PDZD2: variants seen among roughly 807,000 people sequenced by gnomAD.
PDZD2 encodes PDZ domain containing 2.
A neutral mutation model predicts 220.7 loss-of-function variants in PDZD2; 90 were observed. The observed-to-expected ratio is 0.41, with a 90% CI of 0.34 to 0.49. PDZD2 has a LOEUF of 0.49. PDZD2 is among the 20% of genes least tolerant of loss of function. The probability of loss-of-function intolerance (pLI) is 0.28; values close to 1 mark genes in which losing one functional copy is unlikely to be tolerated. For missense variants in PDZD2, 3,174 were observed against 3,608.5 expected (o/e 0.88, Z 3.08); for synonymous variants, 1,375 against 1,450.5 (o/e 0.95, Z 1.18).
At chr5:31,889,734 G>A (rs1740834033) in intron 2 of PDZD2, among the ~76,000 whole-genome samples, 1 of 151,962 alleles carries the variant, frequency 6.6e-6, no homozygotes, top group South Asian at 2.1e-4. Flanking sequence ...TAAGACACAC[G>A]GGGGCCGGGT....
Position 32,098,409 on chromosome 5 carries a change from A to G in PDZD2, c.7993A>G (p.Met2665Val), listed in dbSNP as rs1230251376. 19 of 1,614,162 alleles carry G rather than the reference A, an allele frequency of 1.2e-5. No homozygotes were observed. Among genetic ancestry groups the G allele is most frequent in the Non-Finnish European group, 1.6e-5 (19 of 1,180,032 alleles). ...GGGGGCGGCTTCTCAGGAAGGGACT[A>G]TGAACCGAGGGGATTTCCTTCTGTC... is the stretch of plus-strand genomic sequence containing the variant. ...SQGAASQEGT[M>V]NRGDFLLSVN... Residue 2665 changes from methionine (M) to valine (V), a missense_variant, in exon 23 of 25, where the codon ATG becomes GTG. Met to Val is a conservative substitution (Grantham distance 21). This residue lies in a region of PDZD2 where 631 missense variants were observed against 789.9 expected (regional missense o/e 0.80). Coordinates refer to ENST00000438447, the MANE Select transcript of PDZD2 (RefSeq NM_178140.4). The surrounding 1 kb of genome is among the most constrained non-coding windows in gnomAD (Gnocchi z 4.1).
At chr5:31,802,945 G>A (rs999994597) in intron 2 of PDZD2, among the ~76,000 whole-genome samples, 49 of 139,116 alleles carry the variant, frequency 3.5e-4, no homozygotes, top group African/African-American at 1.2e-3. Flanking sequence ...AAAAAAAGAC[G>A]CGCACACATG....
At chr5:31,643,161 G>T (rs897482156) in intron 1 of PDZD2, among the ~76,000 whole-genome samples, 1 of 152,160 alleles carries the variant, frequency 6.6e-6, no homozygotes, top group African/African-American at 2.4e-5. Flanking sequence ...GGGTCCTTTC[G>T]AACAGTGTGT....
At chr5:32,062,913 C>T (rs561887038) in intron 14 of PDZD2, among the ~76,000 whole-genome samples, 4 of 152,164 alleles carry the variant, frequency 2.6e-5, no homozygotes, top group South Asian at 2.1e-4. Flanking sequence ...GATGGCTCCA[C>T]GGGAGACCAG....
intron 1 of PDZD2, chr5:31,744,521 G>C (rs1285840911): frequency 6.6e-6 from 1 of 151,670 alleles, no homozygotes; most frequent in South Asian, 2.1e-4. Context: ...TCATTTGAAA[G>C]AATTATATAA....
chr5:31,656,935 C>T (rs1327817239), intron 1 of PDZD2, among the ~76,000 whole-genome samples: 1 of 152,152 alleles, frequency 6.6e-6, no homozygotes, highest in Non-Finnish European at 1.5e-5. Flanking sequence ...CCTCAACAGC[C>T]TGGGAGATCA....
chr5:31,951,079 T>C (rs1431292587), intron 2 of PDZD2, among the ~76,000 whole-genome samples: 1 of 152,088 alleles, frequency 6.6e-6, no homozygotes, highest in Non-Finnish European at 1.5e-5. Context: ...TTTTCTTTTC[T>C]TTTTTGAGAT....
chr5:32,028,750 T>C (rs1309810376), intron 6 of PDZD2, among the ~76,000 whole-genome samples: 1 of 148,798 alleles, frequency 6.7e-6, no homozygotes, highest in Non-Finnish European at 1.5e-5. Context: ...TGGCACAACC[T>C]TGGCTCACTG....
intron 2 of PDZD2, chr5:31,923,265 A>G (rs990421755): frequency 1.9e-6 from 1 of 520,008 alleles, no homozygotes; most frequent in Non-Finnish European, 3.5e-6. Flanking sequence ...CTCCATCTCA[A>G]TAAATAAATA....
chr5:31,662,296 G>C (rs532455702), intron 1 of PDZD2, among the ~76,000 whole-genome samples: 1 of 152,172 alleles, frequency 6.6e-6, no homozygotes, highest in African/African-American at 2.4e-5. Flanking sequence ...GGGCGACAAG[G>C]ATGAAACTCC....
chr5:32,066,725 A>G (rs1484535668), intron 14 of PDZD2, among the ~76,000 whole-genome samples: 1 of 152,242 alleles, frequency 6.6e-6, no homozygotes, highest in Admixed American at 6.5e-5. Context: ...ACAGCATAAC[A>G]TGGGTCATGA....
intron 2 of PDZD2, among the ~76,000 whole-genome samples, chr5:31,914,375 C>T (rs902649725): frequency 2.0e-5 from 3 of 152,102 alleles, no homozygotes; most frequent in Non-Finnish European, 2.9e-5. Flanking sequence ...ACTAAAAATA[C>T]AAAAATCAGC....
chr5:31,769,561 C>T (rs1752224397), intron 1 of PDZD2, among the ~76,000 whole-genome samples: 1 of 152,174 alleles, frequency 6.6e-6, no homozygotes, highest in Non-Finnish European at 1.5e-5. Context: ...CTAAAAGAGC[C>T]CGGTTTCCTC....
intron 2 of PDZD2, among the ~76,000 whole-genome samples, chr5:31,909,642 A>C (rs1356283640): frequency 6.6e-6 from 1 of 152,220 alleles, no homozygotes; most frequent in Non-Finnish European, 1.5e-5. Flanking sequence ...AATTCAGTTT[A>C]CTACTAATAA....
In PDZD2 at chr5:32,089,976, A is replaced by T; in HGVS notation, c.6528A>T (p.Thr2176=). The T allele has an allele frequency of 6.2e-7, 1 of 1,603,096 alleles. No individual in the cohort carries two copies. ...KLASSSSSLQ[T]AIRKAEYSQG... is the part of the protein sequence containing the mutation. ...CGTCCTCCTCCTCCTCCCTTCAAAC[A>T]GCCATTAGAAAGGCAGAATACTCCC... Residue 2176 remains threonine (T), a synonymous_variant, in exon 20 of 25, where the codon ACA becomes ACT. Transcript: ENST00000438447.
At chr5:31,663,937 A>G (rs1745879450) in intron 1 of PDZD2, among the ~76,000 whole-genome samples, 1 of 152,054 alleles carries the variant, frequency 6.6e-6, no homozygotes, top group African/African-American at 2.4e-5. Context: ...GCGTATGGCA[A>G]AGTAAGAAGA....
At chr5:31,966,796 A>G (rs1748799911) in intron 2 of PDZD2, among the ~76,000 whole-genome samples, 1 of 152,172 alleles carries the variant, frequency 6.6e-6, no homozygotes, top group Admixed American at 6.5e-5. Context: ...TTGGGGAGGA[A>G]GGTCACAGAA....
intron 1 of PDZD2, among the ~76,000 whole-genome samples, chr5:31,782,375 T>C (rs1267914703): frequency 1.3e-5 from 2 of 152,162 alleles, no homozygotes; most frequent in African/African-American, 4.8e-5. Context: ...AACTGGGAGC[T>C]ATACATTCTT....
intron 1 of PDZD2, among the ~76,000 whole-genome samples, chr5:31,662,632 TC>T (rs1383594045): frequency 6.6e-6 from 1 of 152,078 alleles, no homozygotes; most frequent in East Asian, 1.9e-4. Context: ...CTCTCTTGGA[TC>T]CCCTTTCTTT....
Sources: allele counts gnomAD v4.1 joint callset (sites outside exome capture counted in the v4.1 genomes callset), GRCh38; gene constraint gnomAD v4.1.1; regional missense constraint gnomAD v4.1.1; non-coding constraint Gnocchi (gnomAD v3.1); transcripts MANE v1.5; gene names NCBI Gene and HGNC (gene_info 2026-07-23, HGNC 2026-07-21).